The following CCNY variants were observed in gnomAD, a reference collection of about 807,000 sequenced individuals.
CCNY encodes the protein cyclin Y.
Under a neutral mutation model 42.8 loss-of-function variants are expected in CCNY, and 19 were observed. That is an observed-to-expected ratio of 0.44 (90% CI 0.31 to 0.65). The LOEUF is 0.65. Ranked by LOEUF, CCNY falls within the 30% of genes least tolerant of loss-of-function variation. The pLI, the probability that CCNY is intolerant of heterozygous loss-of-function variation, is 0.07. For missense variants in CCNY, 370 were observed against 437.3 expected (o/e 0.85, Z 1.37); for synonymous variants, 165 against 162.7 (o/e 1.01, Z -0.11).
intron 3 of CCNY, among the ~76,000 whole-genome samples, chr10:35,313,629 T>C (rs1385757110): frequency 6.6e-6 from 1 of 151,984 alleles, no homozygotes; most frequent in Non-Finnish European, 1.5e-5. Context: ...CAACTCAGAG[T>C]AGGGAGAGAC....
chr10:35,287,472 T>C (rs1335543056), intron 3 of CCNY, among the ~76,000 whole-genome samples: 1 of 152,176 alleles, frequency 6.6e-6, no homozygotes, highest in African/African-American at 2.4e-5. Flanking sequence ...TAAAAGTTCA[T>C]GTACTGTTTC....
At chr10:35,372,627 C>T (rs912624637) in intron 1 of CCNY, among the ~76,000 whole-genome samples, 3 of 152,194 alleles carry the variant, frequency 2.0e-5, no homozygotes, top group Admixed American at 6.5e-5. Context: ...CCCTTCCTGC[C>T]CCACCTTCCT....
chr10:35,317,799 A>C (rs1488106978), intron 3 of CCNY, among the ~76,000 whole-genome samples: 1 of 152,238 alleles, frequency 6.6e-6, no homozygotes, highest in South Asian at 2.1e-4. Context: ...TATCGCAGTC[A>C]ATGGATAGGT....
intron 1 of CCNY, among the ~76,000 whole-genome samples, chr10:35,367,795 A>G (rs1304782903): frequency 6.6e-6 from 1 of 152,238 alleles, no homozygotes; most frequent in Non-Finnish European, 1.5e-5. Context: ...TAAACCTGAA[A>G]AAGGCATGTC....
intron 1 of CCNY, among the ~76,000 whole-genome samples, chr10:35,472,907 C>T (rs746296788): frequency 9.9e-5 from 15 of 151,936 alleles, no homozygotes; most frequent in South Asian, 2.1e-4. Flanking sequence ...TATTTCGATA[C>T]GAATAGAATT....
chr10:35,552,854 T>G (rs1045326566), intron 7 of CCNY, among the ~76,000 whole-genome samples, 165 bp from the exon 8 acceptor site: 3 of 152,212 alleles, frequency 2.0e-5, no homozygotes, highest in Non-Finnish European at 4.4e-5. Flanking sequence ...TTAGCCCACG[T>G]TTCATCAGAC....
chr10:35,276,483 T>C (rs1835239916), intron 3 of CCNY, among the ~76,000 whole-genome samples: 1 of 152,194 alleles, frequency 6.6e-6, no homozygotes, highest in South Asian at 2.1e-4. Flanking sequence ...CCTCCTGGGC[T>C]TAAGCTATCC....
chr10:35,369,381 C>T (rs1836880300), intron 1 of CCNY, among the ~76,000 whole-genome samples: 1 of 152,214 alleles, frequency 6.6e-6, no homozygotes. Context: ...ACTACATTTG[C>T]AAAGCTCCAC....
chr10:35,282,417 A>G (rs939535938), intron 3 of CCNY, among the ~76,000 whole-genome samples: 2 of 151,996 alleles, frequency 1.3e-5, no homozygotes, highest in Non-Finnish European at 2.9e-5. Flanking sequence ...GTGGGCCACC[A>G]AGCCCAGCCT....
intron 3 of CCNY, among the ~76,000 whole-genome samples, chr10:35,265,364 T>C (rs371355807): frequency 2.6e-5 from 4 of 152,330 alleles, no homozygotes; most frequent in African/African-American, 9.6e-5. Context: ...AGCTGAAGAT[T>C]AGTGTTCTTT....
intron 1 of CCNY, among the ~76,000 whole-genome samples, chr10:35,376,587 G>C (rs918515690): frequency 5.9e-5 from 9 of 152,136 alleles, no homozygotes; most frequent in African/African-American, 2.2e-4. Flanking sequence ...TTGGATTTTT[G>C]TATTAGGGAT....
At chr10:35,496,591 G>A (rs927588108) in intron 2 of CCNY, among the ~76,000 whole-genome samples, 4 of 152,130 alleles carry the variant, frequency 2.6e-5, no homozygotes, top group Non-Finnish European at 4.4e-5. Flanking sequence ...AAAACTTTGG[G>A]GGGTGCTGAG....
intron 1 of CCNY, among the ~76,000 whole-genome samples, chr10:35,427,394 T>G (rs991650217): frequency 6.6e-6 from 1 of 151,988 alleles, no homozygotes; most frequent in Non-Finnish European, 1.5e-5. Context: ...ATGTCACGGT[T>G]TTTTAAAACT....
chr10:35,262,316 ATGAGTCATT>A (rs1487265043), intron 3 of CCNY, among the ~76,000 whole-genome samples: 1 of 116,414 alleles, frequency 8.6e-6, no homozygotes, highest in Non-Finnish European at 2.0e-5. Flanking sequence ...GAAGGTCAAC[ATGAGTCATT>A]TTATTTTATT....
chr10:35,279,585 T>C (rs1300419168), intron 3 of CCNY, among the ~76,000 whole-genome samples: 1 of 152,190 alleles, frequency 6.6e-6, no homozygotes, highest in Non-Finnish European at 1.5e-5. Flanking sequence ...CAAGATTCCT[T>C]CTTCTCTTCA....
intron 1 of CCNY, among the ~76,000 whole-genome samples, chr10:35,420,206 CTTTG>C (rs747195837): frequency 3.7e-4 from 57 of 152,184 alleles, no homozygotes; most frequent in African/African-American, 7.7e-4. Context: ...ATGGTGCATC[CTTTG>C]TTTGTGTGTG....
At chr10:35,560,751 A>C (rs1841449868) in intron 8 of CCNY, among the ~76,000 whole-genome samples, 1 of 152,236 alleles carries the variant, frequency 6.6e-6, no homozygotes, top group Non-Finnish European at 1.5e-5. Context: ...ATTTTGTGGC[A>C]CCTGCACAGT....
chr10:35,541,256 A>C (rs1403045653), intron 7 of CCNY, among the ~76,000 whole-genome samples: 1 of 152,100 alleles, frequency 6.6e-6, no homozygotes, highest in African/African-American at 2.4e-5. Context: ...TTTACATAAA[A>C]ATTGTGAAGA....
chr10:35,539,815 A>G (rs999399382), intron 7 of CCNY, among the ~76,000 whole-genome samples: 6 of 152,220 alleles, frequency 3.9e-5, no homozygotes, highest in African/African-American at 1.4e-4. Flanking sequence ...ATTTATTCCT[A>G]AGTATTTAAC....
Sources: allele counts gnomAD v4.1 joint callset (sites outside exome capture counted in the v4.1 genomes callset), GRCh38; gene constraint gnomAD v4.1.1; transcripts MANE v1.5; gene names NCBI Gene and HGNC (gene_info 2026-07-23, HGNC 2026-07-21).